The following IQCH variants were observed in gnomAD, a reference collection of about 807,000 sequenced individuals.
IQCH encodes IQ domain-containing protein H.
Under a neutral mutation model 117.0 loss-of-function variants are expected in IQCH, and 98 were observed. The observed-to-expected ratio is 0.84, with a 90% confidence interval of 0.71 to 0.99. The LOEUF is 0.99. Among genes scored for constraint, IQCH ranks in the 50% least tolerant of loss-of-function variants. The pLI, the probability that IQCH is intolerant of heterozygous loss-of-function variation, is 0.00. For missense variants in IQCH, 1,102 were observed against 1,243.8 expected (o/e 0.89, Z 1.72); for synonymous variants, 412 against 448.2 (o/e 0.92, Z 1.02).
intron 14 of IQCH, among the ~76,000 whole-genome samples, chr15:67,415,704 C>T (rs2081559415): frequency 6.6e-6 from 1 of 152,106 alleles, no homozygotes; most frequent in African/African-American, 2.4e-5. Context: ...ACCCCCAAAG[C>T]TGATCCCTTC....
At chr15:67,328,189 GTTA>G (rs1968499093) in intron 4 of IQCH, among the ~76,000 whole-genome samples, 1 of 151,712 alleles carries the variant, frequency 6.6e-6, no homozygotes, top group Non-Finnish European at 1.5e-5. Flanking sequence ...TCCAGAGTTT[GTTA>G]TTATTGTCTT....
At chr15:67,263,059 A>G (rs755210521) in intron 2 of IQCH, 63 bp from the exon 3 acceptor site, 2 of 858,224 alleles carry the variant, frequency 2.3e-6, no homozygotes, top group Non-Finnish European at 4.0e-6. Flanking sequence ...AACCTAATGA[A>G]GTAAATTAGC....
At chr15:67,308,627 T>C (rs974159470) in intron 4 of IQCH, among the ~76,000 whole-genome samples, 1 of 152,104 alleles carries the variant, frequency 6.6e-6, no homozygotes, top group African/African-American at 2.4e-5. Context: ...TGACTTTTCA[T>C]GTCCTTCCTG....
chr15:67,360,151 A>G, intron 8 of IQCH: 1 of 391,366 alleles, frequency 2.6e-6, no homozygotes, highest in South Asian at 6.7e-5. Context: ...CGTCCTTAAA[A>G]TTTGGCTGAA....
Position 67,465,591 on chromosome 15 carries a change from A to G in IQCH, c.2676+294A>G, listed in dbSNP as rs1362485941. Among the ~76,000 whole-genome samples, 1 of 152,158 alleles carries G rather than the reference A, an allele frequency of 6.6e-6. No individual in the cohort carries two copies. ...CATTGCCTCAACTACAAGCTGTTTC[A>G]CACAAAACCCATATTTTTCTAGCCC... On this transcript the variant is annotated intron_variant, in intron 17 of 20. Coordinates refer to ENST00000335894, the MANE Select transcript of IQCH (RefSeq NM_001031715.3). This position sits in a 1 kb window ranked among gnomAD's most constrained non-coding sequence, Gnocchi z 5.9.
chr15:67,264,802 A>G (rs892526083), intron 3 of IQCH, among the ~76,000 whole-genome samples: 18 of 151,328 alleles, frequency 1.2e-4, no homozygotes, highest in Non-Finnish European at 2.4e-4. Flanking sequence ...GTACTCCTCT[A>G]TTTATCTTCA....
At chr15:67,256,461 C>T (rs11636883) in intron 1 of IQCH, among the ~76,000 whole-genome samples, 9 of 152,140 alleles carry the variant, frequency 5.9e-5, no homozygotes, top group African/African-American at 1.9e-4. Flanking sequence ...GCTGATACAG[C>T]GTGGATCAAA....
chr15:67,255,482 T>A (rs1382366544), intron 1 of IQCH, among the ~76,000 whole-genome samples: 1 of 152,258 alleles, frequency 6.6e-6, no homozygotes, highest in East Asian at 1.9e-4. Context: ...AAGACCTTTT[T>A]AATTTGAGAG....
At chr15:67,324,591 C>T (rs1338697921) in intron 4 of IQCH, among the ~76,000 whole-genome samples, 8 of 125,702 alleles carry the variant, frequency 6.4e-5, no homozygotes, top group Non-Finnish European at 1.1e-4. Flanking sequence ...GCCTGGGCAA[C>T]AGCAGTGAGA....
intron 8 of IQCH, chr15:67,371,492 A>G: frequency 6.3e-7 from 1 of 1,593,094 alleles, no homozygotes; most frequent in Middle Eastern, 1.7e-4. Flanking sequence ...CAGACTTAAG[A>G]ATAAAAGAAC....
At chr15:67,277,825 GCCTGGCC>G (rs1567058598) in intron 3 of IQCH, among the ~76,000 whole-genome samples, 1 of 152,098 alleles carries the variant, frequency 6.6e-6, no homozygotes, top group African/African-American at 2.4e-5. Context: ...GAGCCACCGC[GCCTGGCC>G]CAGTATCTTT....
Position 67,395,421 on chromosome 15 carries a change from C to T in IQCH, c.1763C>T (p.Ala588Val). Residue 588 changes from alanine to valine, a missense_variant, in exon 13 of 21, where the codon GCC becomes GTC. Physicochemically the swap from Ala to Val is moderately conservative, Grantham distance 64 (BLOSUM62 0). Transcript: ENST00000335894. This position sits in a 1 kb window ranked among gnomAD's most constrained non-coding sequence, Gnocchi z 4.0. ...CTCCACAGAGATGATTTAGCTGTGG[C>T]CGATATGTTAGACATACCCATCCTG... ...GLLHRDDLAV[A>V]DMLDIPILGS... 6.2e-7 allele frequency: 1 copy of T among 1,614,064 alleles called. No homozygotes were observed. Among genetic ancestry groups the T allele is most frequent in the Non-Finnish European group, 8.5e-7 (1 of 1,179,984 alleles).
intron 4 of IQCH, among the ~76,000 whole-genome samples, chr15:67,327,273 A>G (rs1180906267): frequency 6.6e-6 from 1 of 152,204 alleles, no homozygotes; most frequent in Admixed American, 6.5e-5. Flanking sequence ...GTGAATCACC[A>G]TAGCTTAAGT....
rs950882812 is a variant in IQCH, at chr15:67,467,060, C to T, written c.2676+1763C>T. 6.6e-6 allele frequency: 1 copy of T among 152,178 alleles called. No individual in the cohort carries two copies. The highest frequency in any genetic ancestry group is 2.1e-4 in the South Asian group (1 of 4,820). The allele number at this position is 152,178 out of a possible 1,614,324, so 9.4% of individuals were successfully genotyped here. ...GCAACATGGCAAAACCCTGTCTCTA[C>T]AAAAATACAAAAATTAGCCGGGCAT... On this transcript the variant is annotated intron_variant, in intron 17 of 20. Transcript: ENST00000335894. The surrounding 1 kb of genome is among the most constrained non-coding windows in gnomAD (Gnocchi z 5.7).
chr15:67,380,121 G>A (rs1174463497), intron 10 of IQCH, among the ~76,000 whole-genome samples: 1 of 152,138 alleles, frequency 6.6e-6, no homozygotes, highest in Non-Finnish European at 1.5e-5. Context: ...CAAAGTGTTG[G>A]GATTACAGGT....
At chr15:67,410,956 T>C (rs1020773970) in intron 14 of IQCH, among the ~76,000 whole-genome samples, 1 of 152,130 alleles carries the variant, frequency 6.6e-6, no homozygotes, top group Admixed American at 6.5e-5. Context: ...TTTATGGCAG[T>C]GTGACATGAA....
rs2081783031 is a variant in IQCH, at chr15:67,422,839, C to T, written c.2505+1262C>T. 6.6e-6 allele frequency among the ~76,000 whole-genome samples: 1 copy of T among 152,170 alleles called. No individual in the cohort carries two copies. Among genetic ancestry groups the T allele is most frequent in the African/African-American group, 2.4e-5 (1 of 41,442 alleles). On this transcript the variant is annotated intron_variant, in intron 16 of 20. Transcript: ENST00000335894. The surrounding 1 kb of genome is among the most constrained non-coding windows in gnomAD (Gnocchi z 4.7). The stretch of plus-strand genomic sequence containing the variant: ...ACTCGTGTTTTAAAATGTCCGGTTG[C>T]TCCTCTCTTAGTGCTGCATGTCCAG...
intron 4 of IQCH, among the ~76,000 whole-genome samples, chr15:67,284,713 A>G (rs1212300601): frequency 6.6e-6 from 1 of 151,754 alleles, no homozygotes; most frequent in Non-Finnish European, 1.5e-5. Flanking sequence ...AACATGTGGT[A>G]TTTTCTGTTC....
rs150965319 is a variant in IQCH at position 67,352,639 on chromosome 15, A to G, written c.638-4706A>G. On this transcript the variant is annotated intron_variant, in intron 6 of 20. Coordinates refer to ENST00000335894, the MANE Select transcript of IQCH (RefSeq NM_001031715.3). Reference sequence around the variant, plus strand: ...TCTGCTATTGAGGAGCCTGTGGACTATTGAGGAGTCAGTGGTAGATAGTGG... The same window carrying G: ...TCTGCTATTGAGGAGCCTGTGGACTGTTGAGGAGTCAGTGGTAGATAGTGG... Among the ~76,000 whole-genome samples, 836 of 151,820 alleles carry G rather than the reference A, an allele frequency of 5.5e-3. 4 individuals are homozygous for G. The highest frequency in any genetic ancestry group is 0.019 in the African/African-American group (807 of 41,520).
Sources: allele counts gnomAD v4.1 joint callset (sites outside exome capture counted in the v4.1 genomes callset), GRCh38; gene constraint gnomAD v4.1.1; non-coding constraint Gnocchi (gnomAD v3.1); transcripts MANE v1.5; gene names NCBI Gene and HGNC (gene_info 2026-07-23, HGNC 2026-07-21).